Variants in FHIT observed in about 807,000 individuals in gnomAD.
FHIT encodes fragile histidine triad diadenosine triphosphatase.
In FHIT, 19 loss-of-function variants were observed where a neutral mutation model predicts 17.9. The ratio of observed to expected loss-of-function variants is 1.06; its 90% confidence interval spans 0.74 to 1.56. FHIT has a LOEUF of 1.56. FHIT is among the 40% of genes most tolerant of loss of function. The probability of loss-of-function intolerance (pLI) is 0.00; values close to 1 mark genes in which losing one functional copy is unlikely to be tolerated. For synonymous variants in FHIT, 81 were observed against 69.7 expected (o/e 1.16, Z -0.81); for missense variants, 248 against 189.2 (o/e 1.31, Z -1.82).
chr3:59,750,132 C>A, intron 9 of FHIT: 1 of 226,792 alleles, frequency 4.4e-6, no homozygotes, highest in Non-Finnish European at 8.8e-6. Context: ...CAGGAGGTGT[C>A]AGGCCTCCAG....
intron 8 of FHIT, among the ~76,000 whole-genome samples, chr3:59,918,277 G>C (rs778354616): frequency 2.0e-5 from 3 of 152,156 alleles, no homozygotes; most frequent in Non-Finnish European, 2.9e-5. Context: ...CCCTAGGCCA[G>C]ATTAGATCCC....
At chr3:60,491,304 C>A (rs1252783303) in intron 5 of FHIT, among the ~76,000 whole-genome samples, 2 of 152,082 alleles carry the variant, frequency 1.3e-5, no homozygotes, top group African/African-American at 4.8e-5. Flanking sequence ...CACTCCCTTA[C>A]ACACATACTA....
At chr3:60,675,497 G>C (rs1381936090) in intron 4 of FHIT, among the ~76,000 whole-genome samples, 2 of 152,170 alleles carry the variant, frequency 1.3e-5, no homozygotes, top group Non-Finnish European at 2.9e-5. Context: ...CAAAAGTTAC[G>C]AAGAGTAGAA....
intron 5 of FHIT, among the ~76,000 whole-genome samples, chr3:60,315,634 T>C (rs1478888217): frequency 6.6e-6 from 1 of 152,240 alleles, no homozygotes; most frequent in South Asian, 2.1e-4. Context: ...GTAGATGGTA[T>C]GTTTTCATTG....
At chr3:60,779,350 C>T (rs1221683476) in intron 4 of FHIT, among the ~76,000 whole-genome samples, 6 of 152,134 alleles carry the variant, frequency 3.9e-5, no homozygotes, top group African/African-American at 1.2e-4. Context: ...CAGCAATCTC[C>T]AGCTGCAGCT....
chr3:61,024,023 T>G lies in FHIT; in HGVS notation c.-111+18024A>C, dbSNP rs372377248. 2.8e-4 allele frequency among the ~76,000 whole-genome samples: 43 copies of G among 152,292 alleles called. 1 individual carries two copies. The East Asian group carries it at 6.9e-3, about 25-fold the overall frequency. ...TGGGATCTAATTAAATTATTCATAC[T>G]ATTTTCATGTTGGACAGTATTATAA... On this transcript the variant is annotated intron_variant, in intron 3 of 9. Transcript: ENST00000492590.
intron 3 of FHIT, among the ~76,000 whole-genome samples, chr3:60,934,920 C>A (rs782523735): frequency 1.6e-4 from 24 of 152,118 alleles, no homozygotes; most frequent in Non-Finnish European, 2.6e-4. Flanking sequence ...ACACTGCACC[C>A]CGGAAAGTGC....
At chr3:60,603,904 G>A (rs2038524622) in intron 4 of FHIT, among the ~76,000 whole-genome samples, 1 of 152,048 alleles carries the variant, frequency 6.6e-6, no homozygotes, top group Admixed American at 6.6e-5. Flanking sequence ...TATGTGCCCG[G>A]CTGCATGCCA....
At chr3:60,594,354 T>C (rs1272286819) in intron 4 of FHIT, among the ~76,000 whole-genome samples, 6 of 152,084 alleles carry the variant, frequency 3.9e-5, no homozygotes, top group African/African-American at 7.2e-5. Context: ...GTCCAGACTA[T>C]ATAGAAAAAT....
intron 5 of FHIT, among the ~76,000 whole-genome samples, chr3:60,015,493 A>G (rs909778882): frequency 2.0e-5 from 3 of 152,214 alleles, no homozygotes; most frequent in Admixed American, 6.5e-5. Context: ...TCATGGGTCA[A>G]TGAACCATTT....
chr3:60,713,090 GT>G (rs2041584425), intron 4 of FHIT, among the ~76,000 whole-genome samples: 1 of 152,178 alleles, frequency 6.6e-6, no homozygotes, highest in South Asian at 2.1e-4. Context: ...TCAGACCACA[GT>G]GCAATCAAAG....
chr3:59,872,945 A>C (rs901043664), intron 8 of FHIT, among the ~76,000 whole-genome samples: 2 of 152,224 alleles, frequency 1.3e-5, no homozygotes, highest in African/African-American at 4.8e-5. Flanking sequence ...TGTTTTGACA[A>C]CACTAGTCTT....
intron 3 of FHIT, among the ~76,000 whole-genome samples, chr3:60,873,145 G>C (rs1186931268): frequency 2.0e-5 from 3 of 151,732 alleles, no homozygotes; most frequent in African/African-American, 4.8e-5. Flanking sequence ...GAGGGAGAGA[G>C]AGAGAGAGAG....
intron 1 of FHIT, among the ~76,000 whole-genome samples, chr3:61,239,334 A>G (rs1388310088): frequency 1.3e-5 from 2 of 152,172 alleles, no homozygotes; most frequent in Admixed American, 6.5e-5. Context: ...TCTATGGTTC[A>G]GCCACAGGGG....
intron 4 of FHIT, among the ~76,000 whole-genome samples, chr3:60,614,518 T>C (rs72889603): frequency 0.018 from 2,715 of 152,176 alleles, 91 homozygotes; most frequent in African/African-American, 0.063. Flanking sequence ...TCAGGAGAAT[T>C]GCTTGAACCC....
intron 4 of FHIT, among the ~76,000 whole-genome samples, chr3:60,558,096 A>AGAAGACCCCTACGCCAAGAG (rs2036804896): frequency 6.6e-6 from 1 of 152,092 alleles, no homozygotes; most frequent in Non-Finnish European, 1.5e-5. Flanking sequence ...TTGTGTTGGC[A>AGAAGACCCCTACGCCAAGAG]TCACTTGACT....
intron 5 of FHIT, among the ~76,000 whole-genome samples, chr3:60,093,563 G>C (rs879323682): frequency 5.9e-5 from 9 of 152,252 alleles, no homozygotes; most frequent in East Asian, 3.9e-4. Flanking sequence ...TGGTAGGAGG[G>C]GGGTATTCTA....
At chr3:60,669,558 G>C (rs139818039) in intron 4 of FHIT, among the ~76,000 whole-genome samples, 51 of 152,136 alleles carry the variant, frequency 3.4e-4, no homozygotes, top group African/African-American at 1.2e-3. Flanking sequence ...TCCAAGATAG[G>C]AAGTAGGGGA....
At chr3:60,727,268 G>A (rs1180068826) in intron 4 of FHIT, among the ~76,000 whole-genome samples, 1 of 151,916 alleles carries the variant, frequency 6.6e-6, no homozygotes, top group Non-Finnish European at 1.5e-5. Flanking sequence ...AATGTTCCAA[G>A]TCCCTCCACT....
Sources: gnomAD v4.1 joint callset for allele counts (sites outside exome capture counted in the v4.1 genomes callset) on GRCh38, gnomAD v4.1.1 for gene constraint, MANE v1.5 for transcripts, NCBI Gene and HGNC (gene_info 2026-07-23, HGNC 2026-07-21) for gene names.